The following TRIM36 variants were observed in gnomAD, a reference collection of about 807,000 sequenced individuals.
TRIM36 encodes E3 ubiquitin-protein ligase TRIM36.
TRIM36 carries 42 observed loss-of-function variants against 72.4 expected under a neutral mutation model. That is an observed-to-expected ratio of 0.58 (90% confidence interval 0.45 to 0.75). The LOEUF is 0.75. Ranked by LOEUF, TRIM36 falls within the 30% of genes least tolerant of loss-of-function variation. The pLI is 0.00. For synonymous variants in TRIM36, 315 were observed against 282.8 expected, an observed-to-expected ratio of 1.11 and a Z score of -1.14; for missense variants, 913 against 857.1, an observed-to-expected ratio of 1.07 and a Z score of -0.81.
At chr5:115,130,922 A>G (rs1210850248) in intron 8 of TRIM36, 33 bp from the exon 9 acceptor site, 1 of 1,578,904 alleles carries the variant, frequency 6.3e-7, no homozygotes, top group Admixed American at 1.8e-5. Flanking sequence ...ATCAGGCTAA[A>G]AATTATCATT....
intron 2 of TRIM36, among the ~76,000 whole-genome samples, chr5:115,161,911 C>T (rs1170699395): frequency 1.3e-5 from 2 of 152,204 alleles, no homozygotes; most frequent in Admixed American, 6.5e-5. Context: ...TTTGGCCCTG[C>T]AGCATCTAAA....
upstream of TRIM36, among the ~76,000 whole-genome samples, chr5:115,173,191 A>G (rs1755191974): frequency 6.6e-6 from 1 of 152,146 alleles, no homozygotes; most frequent in South Asian, 2.1e-4. Context: ...TCCTCAAGTT[A>G]AAATCCTGGT....
rs59083853 is a variant in TRIM36, at chr5:115,143,222, C to CAAAAAAAA, written c.735+1368_735+1375dup. 5.2e-4 allele frequency among the ~76,000 whole-genome samples: 30 copies of CAAAAAAAA among 57,488 alleles called. 1 individual carries two copies. Among genetic ancestry groups the CAAAAAAAA allele is most frequent in the African/African-American group, 8.8e-4 (11 of 12,490 alleles). The allele number at this position is 57,488 out of a possible 152,430, so 37.7% of individuals were successfully genotyped here. A position where few individuals can be genotyped will look rare whatever the true frequency, so the allele number is the denominator to read the frequency against. The stretch of plus-strand genomic sequence containing the variant: ...GAGTGCCTGTTCCCCACCAGCCAGA[C>CAAAAAAAA]AAAAAAAAAAAAAAAAAAAAAAAAA... On this transcript the variant is annotated intron_variant, in intron 4 of 9. Transcript: ENST00000513154.
intron 1 of TRIM36, chr5:115,177,809 C>A: frequency 6.2e-7 from 1 of 1,614,116 alleles, no homozygotes; most frequent in African/African-American, 1.3e-5. Context: ...GGACAGCGGG[C>A]CTCTCCACCT....
chr5:115,168,607 T>C (rs182199642), intron 1 of TRIM36, among the ~76,000 whole-genome samples: 18 of 152,378 alleles, frequency 1.2e-4, no homozygotes, highest in Admixed American at 6.5e-4. Context: ...TTTATCATTG[T>C]CAGTGGGTGT....
Position 115,169,876 on chromosome 5 carries a change from C to T in TRIM36, c.-242G>A. ...CGACTACCCCGGGAATCCCGCCCAG[C>T]TGCCGGCTGCAGCAGCGGCTCCTGC... On this transcript the variant is annotated 5_prime_UTR_variant, in exon 1 of 10. Coordinates refer to ENST00000513154, the MANE Select transcript of TRIM36 (RefSeq NM_001300759.2). 1 of 1,304,926 alleles carries T rather than the reference C, an allele frequency of 7.7e-7. No homozygotes were observed. The highest frequency in any genetic ancestry group is 9.7e-7 in the Non-Finnish European group (1 of 1,026,090). The allele number at this position is 1,304,926 out of a possible 1,614,324, so 80.8% of individuals were successfully genotyped here.
At chr5:115,160,691 A>G (rs901444047) in intron 2 of TRIM36, among the ~76,000 whole-genome samples, 1 of 152,144 alleles carries the variant, frequency 6.6e-6, no homozygotes, top group Non-Finnish European at 1.5e-5. Context: ...AAATTTTTTA[A>G]TTAGCAGGGT....
rs1752370276 is a variant in TRIM36 at position 115,126,615 on chromosome 5, T to C, written c.2039A>G (p.Gln680Arg). The C allele has an allele frequency of 1.2e-6, 2 of 1,614,044 alleles. No homozygotes were observed. Among genetic ancestry groups the C allele is most frequent in the Non-Finnish European group, 1.7e-6 (2 of 1,180,010 alleles). Residue 680 changes from glutamine to arginine, a missense_variant, in exon 10 of 10, where the codon CAA (glutamine) becomes CGA (arginine). Gln to Arg is a conservative substitution (Grantham distance 43). Transcript: ENST00000513154. ...MDQMKCLYER[Q>R]VDCSHTLYPA... Reference sequence around the variant, plus strand: ...ATACAGTGTATGTGAACAGTCCACTTGGCGTTCATAAAGGCATTTCATCTG... The same window carrying C: ...ATACAGTGTATGTGAACAGTCCACTCGGCGTTCATAAAGGCATTTCATCTG...
At chr5:115,146,840 C>A (rs933312015) in intron 3 of TRIM36, among the ~76,000 whole-genome samples, 1 of 152,134 alleles carries the variant, frequency 6.6e-6, no homozygotes, top group Non-Finnish European at 1.5e-5. Context: ...TTATATCACA[C>A]TGGATTGTAA....
intron 1 of TRIM36, among the ~76,000 whole-genome samples, chr5:115,166,640 C>T (rs1381406319): frequency 6.6e-6 from 1 of 152,218 alleles, no homozygotes; most frequent in African/African-American, 2.4e-5. Flanking sequence ...CAAGCTGTAA[C>T]ACAAACTGTG....
rs763230187 is a variant in TRIM36, at chr5:115,163,735, G to A, written c.45C>T (p.Ile15=). ...GSDSPVTIKN[I]ERELICPACK... is the part of the protein sequence containing the mutation. ...ATGCTGGGCAAATGAGCTCCCTTTC[G>A]ATATTCTTAATGGTAACCTTGAGAG... Residue 15 remains isoleucine, a synonymous_variant, in exon 2 of 10, where the codon ATC becomes ATT. Transcript: ENST00000513154. 3.4e-5 allele frequency: 55 copies of A among 1,613,942 alleles called. No individual in the cohort carries two copies. Among genetic ancestry groups the A allele is most frequent in the East Asian group, 2.2e-4 (10 of 44,888 alleles).
At chr5:115,169,448 G>A (rs1408614045) in intron 1 of TRIM36, among the ~76,000 whole-genome samples, 160 bp downstream of exon 1, 1 of 152,238 alleles carries the variant, frequency 6.6e-6, no homozygotes, top group Non-Finnish European at 1.5e-5. Flanking sequence ...GCGGAACCTA[G>A]CCCCGGGCGG....
intron 2 of TRIM36, among the ~76,000 whole-genome samples, chr5:115,162,267 C>T (rs1754524793): frequency 6.6e-6 from 1 of 152,132 alleles, no homozygotes; most frequent in South Asian, 2.1e-4. Flanking sequence ...GAGAAACATC[C>T]CAGTAATGCT....
Position 115,137,512 on chromosome 5 carries a change from A to C in TRIM36, c.936T>G (p.Ser312=). ...GAAATTTGTCTAATCTTAGTTTCTT[A>C]GAGGAGTCAATTGCTTTCAAAACAG... ...KSSVLKAIDS[S]KKLRLDKFQT... The change falls in exon 6 of 10, where the codon TCT becomes TCG. Residue 312 remains serine, a synonymous_variant. Coordinates refer to ENST00000513154, the MANE Select transcript of TRIM36 (RefSeq NM_001300759.2). 1 of 1,614,136 alleles carries C rather than the reference A, an allele frequency of 6.2e-7. No homozygotes were observed. The highest frequency in any genetic ancestry group is 1.3e-5 in the African/African-American group (1 of 75,046).
intron 7 of TRIM36, among the ~76,000 whole-genome samples, chr5:115,135,313 T>G (rs550493325): frequency 6.6e-6 from 1 of 152,296 alleles, no homozygotes; most frequent in South Asian, 2.1e-4. Flanking sequence ...TGTATAAGCA[T>G]TTCTGTGTAT....
chr5:115,132,096 T>A (rs911032317), intron 8 of TRIM36, among the ~76,000 whole-genome samples: 3 of 151,920 alleles, frequency 2.0e-5, no homozygotes, highest in Admixed American at 6.6e-5. Context: ...TAGTCCTAGC[T>A]ACATGGGAGA....
At position 115,130,318 on chromosome 5, in the gene TRIM36, T is replaced by G. The variant is rs142097378; in HGVS notation, c.1796+274A>C. Among the ~76,000 whole-genome samples the G allele has an allele frequency of 1.6e-3, 247 of 152,348 alleles. 1 individual carries two copies. Among genetic ancestry groups the G allele is most frequent in the South Asian group, 3.7e-3 (18 of 4,826 alleles). ...GGTAATTTTTATGACATAGGTAACA[T>G]GTTAAAGACTTTCAAAATTTAAAAC... is the stretch of plus-strand genomic sequence containing the variant. On this transcript the variant is annotated intron_variant, in intron 9 of 9. Coordinates refer to ENST00000513154, the MANE Select transcript of TRIM36 (RefSeq NM_001300759.2).
Position 115,130,650 on chromosome 5 carries a change from C to A in TRIM36, c.1738G>T (p.Ala580Ser). ...CATTCTTGTAGTTTATCGCTAGAAG[C>A]AACTCCCACTTTTACCAGGTATGAA... ...PYSYLVKVGV[A>S]SSDKLQEWLR... Residue 580 changes from alanine to serine, a missense_variant, in exon 9 of 10, where the codon GCT (alanine) becomes TCT (serine). Transcript: ENST00000513154. 6.2e-7 allele frequency: 1 copy of A among 1,614,178 alleles called. No homozygotes were observed. The highest frequency in any genetic ancestry group is 8.5e-7 in the Non-Finnish European group (1 of 1,180,034).
chr5:115,154,333 G>T (rs1197347599), intron 2 of TRIM36, among the ~76,000 whole-genome samples: 1 of 149,238 alleles, frequency 6.7e-6, no homozygotes, highest in Non-Finnish European at 1.5e-5. Flanking sequence ...AAATAAGCAA[G>T]ATCAGAGCAG....
Sources: allele counts gnomAD v4.1 joint callset (sites outside exome capture counted in the v4.1 genomes callset), GRCh38; gene constraint gnomAD v4.1.1; transcripts MANE v1.5; gene names NCBI Gene and HGNC (gene_info 2026-07-23, HGNC 2026-07-21).